The following RNF212 variants were observed in gnomAD, a reference collection of about 807,000 sequenced individuals.
RNF212 encodes the protein probable E3 SUMO-protein ligase RNF212.
In RNF212, 33 loss-of-function variants were observed where a neutral mutation model predicts 34.7. The ratio of observed to expected loss-of-function variants is 0.95; its 90% CI spans 0.72 to 1.27. RNF212 has a LOEUF of 1.27. Among genes scored for constraint, RNF212 ranks in the 50% most tolerant of loss-of-function variants. The pLI, the probability that RNF212 is intolerant of heterozygous loss-of-function variation, is 0.00. For synonymous variants in RNF212, 140 were observed against 136.1 expected (o/e 1.03, Z -0.20); for missense variants, 377 against 362.2 (o/e 1.04, Z -0.33).
At chr4:1,076,306 C>A (rs952331709) in intron 8 of RNF212, among the ~76,000 whole-genome samples, 3 of 152,228 alleles carry the variant, frequency 2.0e-5, no homozygotes, top group African/African-American at 4.8e-5. Flanking sequence ...AAGAACCAAT[C>A]CCCTCTGGGC....
intron 3 of RNF212, among the ~76,000 whole-genome samples, chr4:1,059,319 A>G (rs771825098): frequency 5.3e-5 from 8 of 152,264 alleles, no homozygotes; most frequent in Non-Finnish European, 8.8e-5. Flanking sequence ...AAGGCTCCAA[A>G]GAACAGCTAA....
intron 2 of RNF212, among the ~76,000 whole-genome samples, chr4:1,102,041 A>G (rs547364922): frequency 5.9e-5 from 9 of 152,372 alleles, no homozygotes; most frequent in Admixed American, 3.3e-4. Flanking sequence ...ATATAGTATC[A>G]TCAAATACAT....
At position 1,090,846 on chromosome 4, in the gene RNF212, G is replaced by A. The variant is rs1250543760; in HGVS notation, c.247-8C>T. ...TTCTTGAAATTCTAAAATCTGAAAA[G>A]ATCATAGGTTTCAGCTGCTGACACA... On this transcript the variant is annotated splice_region_variant and splice_polypyrimidine_tract_variant and intron_variant, in intron 3 of 9. Transcript: ENST00000433731. The A allele has an allele frequency of 1.3e-6, 2 of 1,572,746 alleles. No individual in the cohort carries two copies. Among genetic ancestry groups the A allele is most frequent in the Non-Finnish European group, 1.7e-6 (2 of 1,143,514 alleles).
chr4:1,072,786 C>G lies in RNF212; in HGVS notation c.*88G>C. 1 of 1,467,834 alleles carries G rather than the reference C, an allele frequency of 6.8e-7. No homozygotes were observed. Among genetic ancestry groups the G allele is most frequent in the South Asian group, 1.5e-5 (1 of 68,488 alleles). The allele number at this position is 1,467,834 out of a possible 1,614,324, so 90.9% of individuals were successfully genotyped here. ...ACACTGAGGGCTTCCACATAAATGA[C>G]AAAGGAATAAAGCAGATAATTTGTA... is the stretch of plus-strand genomic sequence containing the variant. On this transcript the variant is annotated 3_prime_UTR_variant, in exon 10 of 10. Coordinates refer to ENST00000433731, the MANE Select transcript of RNF212 (RefSeq NM_001131034.4).
intron 3 of RNF212, among the ~76,000 whole-genome samples, chr4:1,063,752 C>T (rs1019568361): frequency 6.6e-6 from 1 of 150,530 alleles, no homozygotes; most frequent in Non-Finnish European, 1.5e-5. Context: ...TGCATGCCTA[C>T]AGTCCCAGAT....
chr4:1,096,720 G>A (rs1321302627), intron 3 of RNF212, 45 bp downstream of exon 3: 2 of 1,344,888 alleles, frequency 1.5e-6, no homozygotes, highest in East Asian at 2.3e-5. Flanking sequence ...TCGGGATAGT[G>A]CACCTGGCTC....
intron 3 of RNF212, among the ~76,000 whole-genome samples, 181 bp from the exon 4 acceptor site, chr4:1,091,019 A>G (rs1001416986): frequency 1.3e-5 from 2 of 152,242 alleles, no homozygotes; most frequent in Non-Finnish European, 2.9e-5. Context: ...AAGGGCAAAC[A>G]CAGGGGAGGC....
At chr4:1,091,070 C>T (rs966836185) in intron 3 of RNF212, among the ~76,000 whole-genome samples, 2 of 152,236 alleles carry the variant, frequency 1.3e-5, no homozygotes, top group Non-Finnish European at 2.9e-5. Context: ...CAACCTGCTC[C>T]ATTCAAGTTG....
Position 1,084,355 on chromosome 4 carries a change from C to T in RNF212, c.362+1541G>A, listed in dbSNP as rs958200651. The stretch of plus-strand genomic sequence containing the variant: ...TAGCTAGTAAATGTAGGAGGCTTTG[C>T]TGTCCACATAAGGTCTCCGTTGCAA... On this transcript the variant is annotated intron_variant, in intron 5 of 9. Coordinates refer to ENST00000433731, the MANE Select transcript of RNF212 (RefSeq NM_001131034.4). Among the ~76,000 whole-genome samples, 4 of 152,194 alleles carry T rather than the reference C, an allele frequency of 2.6e-5. No homozygotes were observed. In the South Asian group the frequency reaches 6.2e-4, roughly 24 times the overall value.
In RNF212 at chr4:1,065,870, G is replaced by A. The variant is rs761121444; in HGVS notation, n.148-7477C>T. On this transcript the variant is annotated intron_variant and non_coding_transcript_variant, in intron 3 of 4. Coordinates refer to the RNF212 transcript ENST00000503206. ...CAAAGTGCTGGGATTACAGACATCC[G>A]TGCCCGGCCTGTTTTTGTTTTTAAG... Among the ~76,000 whole-genome samples the A allele has an allele frequency of 1.1e-4, 17 of 151,134 alleles. 2 individuals carry two copies. The highest frequency in any genetic ancestry group is 1.8e-4 in the Non-Finnish European group (12 of 67,574).
At chr4:1,063,385 AC>A (rs1717874982) in intron 3 of RNF212, among the ~76,000 whole-genome samples, 1 of 152,216 alleles carries the variant, frequency 6.6e-6, no homozygotes, top group Non-Finnish European at 1.5e-5. Flanking sequence ...CACCTACAGG[AC>A]AATACGATTA....
chr4:1,093,278 G>A (rs608066), intron 3 of RNF212: 73,709 of 696,552 alleles, frequency 0.11, 6,967 homozygotes, highest in African/African-American at 0.42. Flanking sequence ...TTATCTGTTG[G>A]TATTTACCCT....
chr4:1,099,731 C>A (rs753051451), intron 2 of RNF212: 3 of 456,266 alleles, frequency 6.6e-6, no homozygotes, highest in South Asian at 4.6e-5. Flanking sequence ...GACTGAAGGC[C>A]TTTGCTGCGT....
At chr4:1,056,300 CAA>C (rs1717328971) in exon 5 of RNF212, 1 of 153,150 alleles carries the variant, frequency 6.5e-6, no homozygotes, top group Non-Finnish European at 1.5e-5. Context: ...ATTATTTCAA[CAA>C]GAGGGAAAGT....
chr4:1,074,229 G>T (rs1329777482), intron 8 of RNF212, among the ~76,000 whole-genome samples: 1 of 152,160 alleles, frequency 6.6e-6, no homozygotes, highest in Non-Finnish European at 1.5e-5. Context: ...AGGCTGCTCT[G>T]CTCTGAGCCC....
At chr4:1,069,871 A>G (rs990419553), downstream of RNF212, among the ~76,000 whole-genome samples, 5 of 152,260 alleles carry the variant, frequency 3.3e-5, no homozygotes, top group Admixed American at 2.6e-4. Context: ...AGCTGGATGT[A>G]GCTCATCTTT....
rs1006149800 is a variant in RNF212, at chr4:1,072,789, A to T, written c.*85T>A. The T allele has an allele frequency of 5.4e-6, 8 of 1,469,984 alleles. No individual in the cohort carries two copies. Among genetic ancestry groups the T allele is most frequent in the African/African-American group, 1.4e-5 (1 of 70,468 alleles). The allele number at this position is 1,469,984 out of a possible 1,614,324, so 91.1% of individuals were successfully genotyped here. ...CTGAGGGCTTCCACATAAATGACAA[A>T]GGAATAAAGCAGATAATTTGTAGAA... is the stretch of plus-strand genomic sequence containing the variant. On this transcript the variant is annotated 3_prime_UTR_variant, in exon 10 of 10. Transcript: ENST00000433731.
In RNF212 at chr4:1,092,827, G is replaced by A. The variant is rs191997320; in HGVS notation, c.247-1989C>T. Among the ~76,000 whole-genome samples, 662 of 152,320 alleles carry A rather than the reference G, an allele frequency of 4.3e-3. 1 individual carries two copies. Among genetic ancestry groups the A allele is most frequent in the Non-Finnish European group, 7.1e-3 (480 of 68,024 alleles). On this transcript the variant is annotated intron_variant, in intron 3 of 9. Coordinates refer to ENST00000433731, the MANE Select transcript of RNF212 (RefSeq NM_001131034.4). The stretch of plus-strand genomic sequence containing the variant: ...CGAAGGCCTGAGAGTCAAGGCAGTC[G>A]GGGGAGAATGCAGGTCACTCACGCG...
At position 1,089,737 on chromosome 4, in the gene RNF212, C is replaced by T. The variant is rs578246791; in HGVS notation, c.303+1045G>A. On this transcript the variant is annotated intron_variant, in intron 4 of 9. Coordinates refer to ENST00000433731, the MANE Select transcript of RNF212 (RefSeq NM_001131034.4). ...GGGGCAGTTTCCCCCGTGCTGTTCT[C>T]GTGATAGTAAGTTCTCATGAAATCT... is the stretch of plus-strand genomic sequence containing the variant. Among the ~76,000 whole-genome samples the T allele has an allele frequency of 4.6e-5, 7 of 152,224 alleles. 1 individual carries two copies. The highest frequency in any genetic ancestry group is 4.1e-4 in the South Asian group (2 of 4,822).
Sources: gnomAD v4.1 joint callset for allele counts (sites outside exome capture counted in the v4.1 genomes callset) on GRCh38, gnomAD v4.1.1 for gene constraint, MANE v1.5 for transcripts, NCBI Gene and HGNC (gene_info 2026-07-23, HGNC 2026-07-21) for gene names.